CAMKMT: variants seen among roughly 807,000 people sequenced by gnomAD.
CAMKMT encodes the protein CaM KMT.
CAMKMT carries 53 observed loss-of-function variants against 48.0 expected under a neutral mutation model. The ratio of observed to expected loss-of-function variants is 1.10; its 90% CI spans 0.89 to 1.39. CAMKMT has a LOEUF of 1.39. Among genes scored for constraint, CAMKMT ranks in the 40% most tolerant of loss-of-function variants. The probability of loss-of-function intolerance (pLI) is 0.00; values close to 1 mark genes in which losing one functional copy is unlikely to be tolerated. For synonymous variants in CAMKMT, 165 were observed against 152.3 expected, an observed-to-expected ratio of 1.08 and a Z score of -0.61; for missense variants, 428 against 402.7, an observed-to-expected ratio of 1.06 and a Z score of -0.54.
chr2:44,542,088 C>T (rs1395650066), intron 3 of CAMKMT, among the ~76,000 whole-genome samples: 1 of 148,340 alleles, frequency 6.7e-6, no homozygotes, highest in Non-Finnish European at 1.5e-5. Flanking sequence ...GAGATCGTGC[C>T]ATTGCACTCC....
intron 3 of CAMKMT, among the ~76,000 whole-genome samples, chr2:44,471,312 T>C (rs12995517): frequency 3.9e-5 from 6 of 152,156 alleles, no homozygotes; most frequent in African/African-American, 1.4e-4. Context: ...TCTCTAGCTG[T>C]TTGCTTTTAA....
intron 3 of CAMKMT, chr2:44,456,939 G>A (rs762082936): frequency 3.3e-4 from 70 of 210,206 alleles, no homozygotes; most frequent in Non-Finnish European, 5.8e-4. Flanking sequence ...ACTTAGTGAA[G>A]TACAGTATTC....
intron 7 of CAMKMT, among the ~76,000 whole-genome samples, chr2:44,731,040 G>A (rs763800796): frequency 3.9e-5 from 6 of 152,166 alleles, no homozygotes; most frequent in Admixed American, 6.5e-5. Flanking sequence ...TTTAACAGCA[G>A]AGTTTAAAAC....
At chr2:44,555,624 C>T (rs748728074) in intron 3 of CAMKMT, among the ~76,000 whole-genome samples, 11 of 151,888 alleles carry the variant, frequency 7.2e-5, no homozygotes, top group Non-Finnish European at 1.5e-4. Flanking sequence ...GGGTTGAAGC[C>T]GTGAGAGTGG....
At chr2:44,540,569 G>C (rs1667042258) in intron 3 of CAMKMT, among the ~76,000 whole-genome samples, 1 of 152,048 alleles carries the variant, frequency 6.6e-6, no homozygotes, top group Non-Finnish European at 1.5e-5. Flanking sequence ...TGGGCAACAT[G>C]GCAAAACCTC....
intron 3 of CAMKMT, among the ~76,000 whole-genome samples, chr2:44,584,013 T>C (rs1184996902): frequency 2.0e-5 from 3 of 152,178 alleles, no homozygotes; most frequent in Non-Finnish European, 4.4e-5. Context: ...GATATTTACA[T>C]GACCCAGAAA....
intron 3 of CAMKMT, among the ~76,000 whole-genome samples, chr2:44,552,382 T>C (rs1251170260): frequency 6.6e-6 from 1 of 152,188 alleles, no homozygotes; most frequent in Non-Finnish European, 1.5e-5. Context: ...CCAATTCATT[T>C]ACCTATCTAG....
intron 3 of CAMKMT, among the ~76,000 whole-genome samples, chr2:44,444,113 AC>A (rs1666840054): frequency 6.6e-6 from 1 of 152,162 alleles, no homozygotes; most frequent in Admixed American, 6.5e-5. Context: ...TTTATTCTAA[AC>A]TTTTCTACAC....
intron 9 of CAMKMT, among the ~76,000 whole-genome samples, chr2:44,763,810 T>C (rs1680718836): frequency 6.6e-6 from 1 of 152,224 alleles, no homozygotes. Flanking sequence ...GATGCATTGC[T>C]TTGTCAATGC....
At chr2:44,451,930 A>G (rs1277368757) in intron 3 of CAMKMT, among the ~76,000 whole-genome samples, 1 of 151,964 alleles carries the variant, frequency 6.6e-6, no homozygotes, top group African/African-American at 2.4e-5. Context: ...AAAAAAACCT[A>G]GATATTTTAA....
intron 2 of CAMKMT, among the ~76,000 whole-genome samples, chr2:44,383,166 T>G (rs1030464023): frequency 1.6e-4 from 25 of 151,918 alleles, no homozygotes; most frequent in African/African-American, 5.3e-4. Flanking sequence ...TTTTATTTTA[T>G]TTTAGTTTTA....
intron 3 of CAMKMT, among the ~76,000 whole-genome samples, chr2:44,608,147 A>C (rs1209222436): frequency 7.3e-6 from 1 of 137,286 alleles, no homozygotes; most frequent in Non-Finnish European, 1.5e-5. Context: ...ATCTCGGCTC[A>C]CTGCAAGCTC....
chr2:44,728,339 T>A (rs1208808811), intron 7 of CAMKMT, among the ~76,000 whole-genome samples: 1 of 152,182 alleles, frequency 6.6e-6, no homozygotes, highest in East Asian at 1.9e-4. Flanking sequence ...TGTTGAGGAT[T>A]TCTGTGTCTG....
intron 3 of CAMKMT, among the ~76,000 whole-genome samples, chr2:44,578,394 A>G (rs1037516908): frequency 6.6e-6 from 1 of 152,220 alleles, no homozygotes; most frequent in East Asian, 1.9e-4. Flanking sequence ...TCACATAATT[A>G]TGCTGCTGCT....
intron 3 of CAMKMT, among the ~76,000 whole-genome samples, chr2:44,432,085 T>G (rs1684684771): frequency 1.3e-5 from 2 of 152,196 alleles, no homozygotes; most frequent in African/African-American, 2.4e-5. Flanking sequence ...TTGGCTGGTT[T>G]AGTCGCATCT....
intron 3 of CAMKMT, among the ~76,000 whole-genome samples, chr2:44,400,459 C>T (rs1285881374): frequency 6.6e-6 from 1 of 152,104 alleles, no homozygotes; most frequent in Non-Finnish European, 1.5e-5. Context: ...TACCCATGGA[C>T]ATTCAGATTT....
chr2:44,368,861 A>T (rs1678884656), intron 1 of CAMKMT, among the ~76,000 whole-genome samples: 1 of 152,276 alleles, frequency 6.6e-6, no homozygotes, highest in East Asian at 1.9e-4. Context: ...AGACTATAAT[A>T]AGACCCTGTA....
At chr2:44,620,567 G>T (rs1672124788) in intron 3 of CAMKMT, among the ~76,000 whole-genome samples, 1 of 152,130 alleles carries the variant, frequency 6.6e-6, no homozygotes, top group African/African-American at 2.4e-5. Context: ...ATTGAAACAG[G>T]AACTATTTCA....
chr2:44,476,747 A>G (rs76966332), intron 3 of CAMKMT, among the ~76,000 whole-genome samples: 3,931 of 152,256 alleles, frequency 0.026, 166 homozygotes, highest in African/African-American at 0.089. Context: ...CTTAACAGAA[A>G]GAGCACTTAA....
Sources: allele counts gnomAD v4.1 joint callset (sites outside exome capture counted in the v4.1 genomes callset), GRCh38; gene constraint gnomAD v4.1.1; transcripts MANE v1.5; gene names NCBI Gene and HGNC (gene_info 2026-07-23, HGNC 2026-07-21).